Variants in SPATA6L observed in about 807,000 individuals in gnomAD.
SPATA6L encodes the protein spermatogenesis associated 6-like protein.
A neutral mutation model predicts 49.2 loss-of-function variants in SPATA6L; 68 were observed. The ratio of observed to expected loss-of-function variants is 1.38; its 90% CI spans 1.14 to 1.69. SPATA6L has a LOEUF of 1.69. Among genes scored for constraint, SPATA6L ranks in the 40% most tolerant of loss-of-function variants. The probability of loss-of-function intolerance (pLI) is 0.00; values close to 1 mark genes in which losing one functional copy is unlikely to be tolerated. For synonymous variants in SPATA6L, 198 were observed against 165.7 expected (o/e 1.19, Z -1.50); for missense variants, 668 against 464.3 (o/e 1.44, Z -4.03).
At chr9:4,610,147 G>C (rs1194168344) in intron 9 of SPATA6L, among the ~76,000 whole-genome samples, 4 of 151,976 alleles carry the variant, frequency 2.6e-5, no homozygotes, top group Admixed American at 2.6e-4. Context: ...AAATAAAAGA[G>C]GATACAAACA....
In SPATA6L at chr9:4,600,156, G is replaced by A. The variant is rs900742818; in HGVS notation, c.*655C>T. Among the ~76,000 whole-genome samples the A allele has an allele frequency of 3.3e-5, 5 of 152,130 alleles. No homozygotes were observed. Among genetic ancestry groups the A allele is most frequent in the Non-Finnish European group, 5.9e-5 (4 of 68,028 alleles). On this transcript the variant is annotated 3_prime_UTR_variant, in exon 12 of 12. Coordinates refer to ENST00000682582, the MANE Select transcript of SPATA6L (RefSeq NM_001353486.2). ...CATCTAAATTTACAAAGAATTGCTGGAACGAAGGAGTAGGAAACAGAAGGA... is the reference window on the plus strand; with the variant it reads ...CATCTAAATTTACAAAGAATTGCTGAAACGAAGGAGTAGGAAACAGAAGGA...
intron 11 of SPATA6L, among the ~76,000 whole-genome samples, chr9:4,602,100 C>T (rs531822200): frequency 1.3e-5 from 2 of 151,804 alleles, no homozygotes; most frequent in South Asian, 4.2e-4. Context: ...GTGGGAATTC[C>T]TGTTGTGTGG....
chr9:4,663,371 T>G, intron 1 of SPATA6L: 1 of 1,188,512 alleles, frequency 8.4e-7, no homozygotes, highest in Non-Finnish European at 1.2e-6. Flanking sequence ...ATTTCAGGCT[T>G]CCTTTGGGAT....
chr9:4,661,719 G>C (rs1434523717), intron 2 of SPATA6L, among the ~76,000 whole-genome samples, 180 bp downstream of exon 2: 1 of 109,886 alleles, frequency 9.1e-6, no homozygotes, highest in East Asian at 2.7e-4. Flanking sequence ...GACAGAACTT[G>C]GCTCAGACCT....
At chr9:4,638,790 C>CTTTTCT (rs1314501943) in intron 3 of SPATA6L, among the ~76,000 whole-genome samples, 10 of 120,318 alleles carry the variant, frequency 8.3e-5, no homozygotes, top group African/African-American at 4.3e-4. Flanking sequence ...CTTTTCTTTT[C>CTTTTCT]TTTTTTTTTT....
intron 4 of SPATA6L, 102 bp downstream of exon 4, chr9:4,635,173 G>C (rs1238138719): frequency 7.9e-7 from 1 of 1,262,544 alleles, no homozygotes; most frequent in Admixed American, 3.1e-5. Flanking sequence ...AGAACAGCAG[G>C]GGTACTAACC....
At chr9:4,640,321 C>G (rs1035049082) in intron 3 of SPATA6L, among the ~76,000 whole-genome samples, 1 of 152,192 alleles carries the variant, frequency 6.6e-6, no homozygotes, top group East Asian at 1.9e-4. Flanking sequence ...CTTCTTCATT[C>G]TTTAGCAGTA....
intron 3 of SPATA6L, among the ~76,000 whole-genome samples, chr9:4,647,839 T>TTTG (rs201296231): frequency 0.07 from 6,492 of 92,980 alleles, 305 homozygotes; most frequent in African/African-American, 0.25. Context: ...ATTTTAGTTT[T>TTTG]TTTTTTTTTT....
At chr9:4,601,549 A>C (rs1823280277) in intron 11 of SPATA6L, among the ~76,000 whole-genome samples, 1 of 152,206 alleles carries the variant, frequency 6.6e-6, no homozygotes, top group African/African-American at 2.4e-5. Context: ...CTACGTGGTC[A>C]GACAATGGGA....
At chr9:4,656,485 G>GAAGGAAGGAAGC (rs1344951691) in intron 2 of SPATA6L, among the ~76,000 whole-genome samples, 1 of 147,960 alleles carries the variant, frequency 6.8e-6, no homozygotes, top group Non-Finnish European at 1.5e-5. Flanking sequence ...AGGAAGGAAG[G>GAAGGAAGGAAGC]AAGGAAGGAA....
At chr9:4,656,196 T>C in intron 2 of SPATA6L, 107 bp from the exon 3 acceptor site, 1 of 866,010 alleles carries the variant, frequency 1.2e-6, no homozygotes, top group Non-Finnish European at 1.8e-6. Context: ...CCTAGCACTT[T>C]GGGAGGCCGA....
intron 4 of SPATA6L, among the ~76,000 whole-genome samples, chr9:4,632,406 G>A (rs10974679): frequency 6.6e-6 from 1 of 151,896 alleles, no homozygotes; most frequent in Non-Finnish European, 1.5e-5. Flanking sequence ...GACCAGCCTA[G>A]CCAACATGAG....
chr9:4,606,250 T>G lies in SPATA6L; in HGVS notation c.996-810A>C, dbSNP rs1389807801. Among the ~76,000 whole-genome samples the G allele has an allele frequency of 7.1e-5, 10 of 141,532 alleles. No individual in the cohort carries two copies. In the South Asian group the frequency reaches 1.8e-3, roughly 26 times the overall value. The allele number at this position is 141,532 out of a possible 152,430, so 92.9% of individuals were successfully genotyped here. On this transcript the variant is annotated intron_variant, in intron 9 of 11. Transcript: ENST00000682582. The stretch of plus-strand genomic sequence containing the variant: ...GGCGCCCGCCATTGCCCAGGCTTGC[T>G]GAGGTAAACAAAGCAGCCGGAAGCT...
Position 4,598,379 on chromosome 9 carries a change from A to G in SPATA6L, c.*2432T>C, listed in dbSNP as rs2771. ...GTAATCCAAACCCCAAAACATCACAAAATTATTCATACTATTATACACTCC... is the reference window on the plus strand; with the variant it reads ...GTAATCCAAACCCCAAAACATCACAGAATTATTCATACTATTATACACTCC... On this transcript the variant is annotated 3_prime_UTR_variant, in exon 12 of 12. Transcript: ENST00000682582. 0.6 allele frequency among the ~76,000 whole-genome samples: 91,485 copies of G among 152,058 alleles called. 29,193 individuals carry two copies. Among genetic ancestry groups the G allele is most frequent in the Middle Eastern group, 0.76 (223 of 294 alleles).
intron 9 of SPATA6L, among the ~76,000 whole-genome samples, chr9:4,614,663 G>C (rs1827546344): frequency 1.3e-5 from 2 of 151,862 alleles, no homozygotes. Flanking sequence ...GGTTTACCTG[G>C]GACTCAGGGG....
At chr9:4,647,170 T>C (rs989135058) in intron 3 of SPATA6L, among the ~76,000 whole-genome samples, 11 of 152,124 alleles carry the variant, frequency 7.2e-5, no homozygotes, top group Non-Finnish European at 1.3e-4. Context: ...TATACATACA[T>C]AGAGCTCTAA....
chr9:4,655,477 T>G (rs1485637271), intron 3 of SPATA6L, among the ~76,000 whole-genome samples: 3 of 151,856 alleles, frequency 2.0e-5, no homozygotes, highest in Non-Finnish European at 2.9e-5. Flanking sequence ...ATAAAAACAA[T>G]TTTTATAAAT....
At chr9:4,657,111 G>C (rs1758983010) in intron 2 of SPATA6L, among the ~76,000 whole-genome samples, 1 of 152,148 alleles carries the variant, frequency 6.6e-6, no homozygotes, top group Non-Finnish European at 1.5e-5. Flanking sequence ...GGTACACCCT[G>C]TCTTTCCCCC....
chr9:4,592,484 C>T lies in SPATA6L; in HGVS notation c.*255-3523G>A, dbSNP rs534034225. On this transcript the variant is annotated intron_variant and NMD_transcript_variant, in intron 13 of 13. Coordinates refer to the SPATA6L transcript ENST00000461761. ...ACTATTATTATCCCCTTTCCACAAA[C>T]GAAGAAACTAGCACAAAACATTAAG... Among the ~76,000 whole-genome samples, 90 of 152,220 alleles carry T rather than the reference C, an allele frequency of 5.9e-4. 1 individual carries two copies. Among genetic ancestry groups the T allele is most frequent in the Middle Eastern group, 3.4e-3 (1 of 294 alleles).
Sources: allele counts gnomAD v4.1 joint callset (sites outside exome capture counted in the v4.1 genomes callset), GRCh38; gene constraint gnomAD v4.1.1; transcripts MANE v1.5; gene names NCBI Gene and HGNC (gene_info 2026-07-23, HGNC 2026-07-21).